Variants in ITPR1 observed in about 807,000 individuals in gnomAD.
ITPR1 encodes inositol 1,4,5-trisphosphate receptor type 1, also known as inositol 1,4,5-trisphosphate-gated calcium channel ITPR1.
In ITPR1, 96 loss-of-function variants were observed where a neutral mutation model predicts 318.4. The ratio of observed to expected loss-of-function variants is 0.30; its 90% CI spans 0.26 to 0.36. The LOEUF is 0.36. Ranked by LOEUF, ITPR1 falls within the 10% of genes least tolerant of loss-of-function variation. The probability of loss-of-function intolerance (pLI) is 1.00; values close to 1 mark genes in which losing one functional copy is unlikely to be tolerated. For synonymous variants in ITPR1, 1,312 were observed against 1,289.9 expected (o/e 1.02, Z -0.37); for missense variants, 2,440 against 3,460.2 (o/e 0.71, Z 7.40).
chr3:4,768,863 C>T, intron 46 of ITPR1, 99 bp downstream of exon 46: 2 of 1,197,406 alleles, frequency 1.7e-6, no homozygotes, highest in Non-Finnish European at 2.4e-6. Flanking sequence ...GGCCAGATTG[C>T]TTGAGCCAAG....
At chr3:4,702,753 C>G in intron 35 of ITPR1, 77 bp from the exon 36 acceptor site, 1 of 1,478,652 alleles carries the variant, frequency 6.8e-7, no homozygotes, top group Non-Finnish European at 9.3e-7. Flanking sequence ...AAGACAATGT[C>G]TCTGTCTCTG....
intron 44 of ITPR1, among the ~76,000 whole-genome samples, chr3:4,755,645 G>C (rs938361557): frequency 6.6e-6 from 1 of 152,172 alleles, no homozygotes; most frequent in African/African-American, 2.4e-5. Flanking sequence ...TGACCCTGGA[G>C]CTTAGGCCGT....
rs769850894 is a variant in ITPR1 at position 4,730,370 on chromosome 3, AATGTGT to A, written c.5221-2717_5221-2712del. Reference sequence around the variant, plus strand: ...GCAAAAAAAAAAGTTTGTTGGGTGGAATGTGTGTGTGTGTGTGTGTGTGTGTGTGTG... The same window carrying A: ...GCAAAAAAAAAAGTTTGTTGGGTGGAGTGTGTGTGTGTGTGTGTGTGTGTG... On this transcript the variant is annotated intron_variant, in intron 42 of 61. Transcript: ENST00000649015. 2.0e-3 allele frequency among the ~76,000 whole-genome samples: 180 copies of A among 91,574 alleles called. 3 individuals are homozygous for A. Among genetic ancestry groups the A allele is most frequent in the African/African-American group, 2.8e-3 (68 of 24,718 alleles). The allele number at this position is 91,574 out of a possible 152,430, so 60.1% of individuals were successfully genotyped here. A position where few individuals can be genotyped will look rare whatever the true frequency, so the allele number is the denominator to read the frequency against.
chr3:4,728,712 T>C (rs935751959), intron 42 of ITPR1, among the ~76,000 whole-genome samples: 1 of 152,246 alleles, frequency 6.6e-6, no homozygotes, highest in African/African-American at 2.4e-5. Context: ...ATTTTTTTGG[T>C]ACCCATTAAC....
chr3:4,641,680 G>A (rs991021179), intron 6 of ITPR1, among the ~76,000 whole-genome samples: 8 of 152,152 alleles, frequency 5.3e-5, no homozygotes, highest in African/African-American at 1.9e-4. Flanking sequence ...CTGGCCCTGC[G>A]TTGTTTTTTA....
At position 4,820,625 on chromosome 3, in the gene ITPR1, T is replaced by C. The variant is rs2049638352; in HGVS notation, c.8028+2383T>C. On this transcript the variant is annotated intron_variant, in intron 60 of 61. Coordinates refer to ENST00000649015, the MANE Select transcript of ITPR1 (RefSeq NM_001378452.1). ...CTCCATCCACATCATTCTTTGATTA[T>C]ATGAGACATCTTGTCAGAAAACCTA... is the stretch of plus-strand genomic sequence containing the variant. Among the ~76,000 whole-genome samples the C allele has an allele frequency of 2.0e-5, 3 of 152,238 alleles. No homozygotes were observed. The South Asian group carries it at 6.2e-4, about 31-fold the overall frequency.
At chr3:4,642,365 A>G (rs998540342) in intron 7 of ITPR1, 114 bp downstream of exon 7, 13 of 732,282 alleles carry the variant, frequency 1.8e-5, no homozygotes, top group Admixed American at 1.6e-4. Context: ...TGTCCTGTGT[A>G]AAGAGAAGGG....
intron 4 of ITPR1, among the ~76,000 whole-genome samples, chr3:4,523,353 G>A (rs530878088): frequency 6.6e-6 from 1 of 152,130 alleles, no homozygotes; most frequent in South Asian, 2.1e-4. Flanking sequence ...TGTACAACAT[G>A]ATGTTTTAGA....
intron 16 of ITPR1, among the ~76,000 whole-genome samples, chr3:4,664,689 A>G (rs1485401078): frequency 6.6e-6 from 1 of 152,242 alleles, no homozygotes; most frequent in Non-Finnish European, 1.5e-5. Flanking sequence ...AGGAGCCTTC[A>G]TTGATTACTT....
intron 21 of ITPR1, among the ~76,000 whole-genome samples, chr3:4,673,810 C>A (rs2094134784): frequency 6.6e-6 from 1 of 152,194 alleles, no homozygotes; most frequent in Non-Finnish European, 1.5e-5. Context: ...TCTCGATCTC[C>A]TGACCTTGTG....
At chr3:4,567,142 G>A (rs1031226657) in intron 4 of ITPR1, among the ~76,000 whole-genome samples, 6 of 152,180 alleles carry the variant, frequency 3.9e-5, no homozygotes, top group Non-Finnish European at 7.4e-5. Flanking sequence ...TGGAAAGCTC[G>A]TAGGGTGTGG....
At chr3:4,648,446 C>T (rs1475543570) in intron 10 of ITPR1, among the ~76,000 whole-genome samples, 1 of 152,180 alleles carries the variant, frequency 6.6e-6, no homozygotes, top group Admixed American at 6.5e-5. Context: ...TAAAAAGGTT[C>T]ATTTTCTCAT....
Position 4,686,354 on chromosome 3 carries a change from C to T in ITPR1, c.3702+1148C>T, listed in dbSNP as rs140009611. Among the ~76,000 whole-genome samples the T allele has an allele frequency of 3.1e-3, 465 of 152,310 alleles. 4 individuals carry two copies. Among genetic ancestry groups the T allele is most frequent in the African/African-American group, 8.6e-3 (357 of 41,576 alleles). The stretch of plus-strand genomic sequence containing the variant: ...CTATAAATAAAGTCCAAGCTTAATC[C>T]CTGTCGTAGGTATAATACCTAGCTA... On this transcript the variant is annotated intron_variant, in intron 30 of 61. Coordinates refer to ENST00000649015, the MANE Select transcript of ITPR1 (RefSeq NM_001378452.1).
chr3:4,558,457 G>A (rs2086355688), intron 4 of ITPR1, among the ~76,000 whole-genome samples: 1 of 152,040 alleles, frequency 6.6e-6, no homozygotes, highest in Admixed American at 6.6e-5. Flanking sequence ...CAACCTCAAT[G>A]ATATGAAAGT....
chr3:4,816,625 G>T (rs2049320498), intron 59 of ITPR1, among the ~76,000 whole-genome samples: 1 of 152,164 alleles, frequency 6.6e-6, no homozygotes, highest in Admixed American at 6.5e-5. Flanking sequence ...CTGAGCTCAG[G>T]CAATCTGCCC....
chr3:4,621,858 T>A lies in ITPR1; in HGVS notation c.164-5905T>A, dbSNP rs555818716. Among the ~76,000 whole-genome samples the A allele has an allele frequency of 3.9e-5, 6 of 152,312 alleles. No individual in the cohort carries two copies. The East Asian group carries it at 9.7e-4, about 25-fold the overall frequency. ...AAGGCTGGCTCCTCCTTTCTCCTCC[T>A]GCAACTCCAAGTTCAGATGCCACAG... On this transcript the variant is annotated intron_variant, in intron 4 of 61. Coordinates refer to ENST00000649015, the MANE Select transcript of ITPR1 (RefSeq NM_001378452.1).
At chr3:4,496,956 G>A (rs145221907) in intron 2 of ITPR1, among the ~76,000 whole-genome samples, 1,770 of 152,270 alleles carry the variant, frequency 0.012, 31 homozygotes, top group African/African-American at 0.041. Flanking sequence ...TCTAATTAAG[G>A]AGTCTCCACA....
intron 4 of ITPR1, among the ~76,000 whole-genome samples, chr3:4,532,946 C>T (rs111454213): frequency 6.6e-5 from 10 of 152,304 alleles, no homozygotes; most frequent in Admixed American, 3.9e-4. Flanking sequence ...GACCATCTGT[C>T]GGGGATTTTG....
intron 19 of ITPR1, 123 bp downstream of exon 19, chr3:4,669,896 G>A (rs572877360): frequency 2.0e-6 from 2 of 1,012,854 alleles, no homozygotes; most frequent in East Asian, 3.2e-5. Flanking sequence ...GCTGGCATTT[G>A]ATCTTCTTAT....
Sources: gnomAD v4.1 joint callset for allele counts (sites outside exome capture counted in the v4.1 genomes callset) on GRCh38, gnomAD v4.1.1 for gene constraint, MANE v1.5 for transcripts, NCBI Gene and HGNC (gene_info 2026-07-23, HGNC 2026-07-21) for gene names.